The following FAM177A1 variants were observed in gnomAD, a reference collection of about 807,000 sequenced individuals.
FAM177A1 encodes family with sequence similarity 177 member A1.
FAM177A1 carries 22 observed loss-of-function variants against 26.1 expected under a neutral mutation model. The observed-to-expected ratio is 0.84, with a 90% confidence interval of 0.60 to 1.20. The LOEUF (loss-of-function observed/expected upper bound fraction) is 1.20. Ranked by LOEUF, FAM177A1 falls within the 50% of genes most tolerant of loss-of-function variation. FAM177A1 has a pLI of 0.00. For missense variants in FAM177A1, 296 were observed against 291.1 expected, an observed-to-expected ratio of 1.02 and a Z score of -0.12; for synonymous variants, 95 against 99.3, an observed-to-expected ratio of 0.96 and a Z score of 0.26.
chr14:35,068,048 T>A (rs2138554517), intron 2 of FAM177A1, among the ~76,000 whole-genome samples: 1 of 152,326 alleles, frequency 6.6e-6, no homozygotes, highest in Non-Finnish European at 1.5e-5. Context: ...ATTAGTCTGG[T>A]TTTGGTTTTG....
chr14:35,067,194 C>T (rs2045253442), intron 2 of FAM177A1, among the ~76,000 whole-genome samples: 1 of 152,134 alleles, frequency 6.6e-6, no homozygotes, highest in Non-Finnish European at 1.5e-5. Context: ...CCCCATTTCC[C>T]CTTAACCCCC....
At chr14:35,057,238 T>A (rs2045075764) in intron 2 of FAM177A1, among the ~76,000 whole-genome samples, 1 of 152,112 alleles carries the variant, frequency 6.6e-6, no homozygotes, top group Admixed American at 6.6e-5. Context: ...GTTGTTCTTG[T>A]TGTTTACAAA....
intron 1 of FAM177A1, among the ~76,000 whole-genome samples, chr14:35,051,944 G>A (rs1211365316): frequency 6.6e-6 from 1 of 152,178 alleles, no homozygotes; most frequent in Non-Finnish European, 1.5e-5. Context: ...CTTTTCCAGT[G>A]GTTGAACAGC....
chr14:35,079,769 C>T (rs1420412759), intron 4 of FAM177A1, among the ~76,000 whole-genome samples: 2 of 152,056 alleles, frequency 1.3e-5, no homozygotes, highest in Non-Finnish European at 2.9e-5. Context: ...ATCTGCTATT[C>T]TTCAAGCAAA....
intron 2 of FAM177A1, among the ~76,000 whole-genome samples, chr14:35,066,870 C>G (rs925566486): frequency 2.6e-5 from 4 of 151,678 alleles, no homozygotes; most frequent in African/African-American, 9.7e-5. Context: ...CTCAGCTCAC[C>G]GCAACCTCTG....
chr14:35,069,953 TA>T (rs1025002637), intron 2 of FAM177A1, among the ~76,000 whole-genome samples: 1 of 150,708 alleles, frequency 6.6e-6, no homozygotes, highest in African/African-American at 2.4e-5. Flanking sequence ...CCGTCTCTAC[TA>T]AAAATACAAA....
At chr14:35,070,371 C>G (rs1355870601) in intron 2 of FAM177A1, among the ~76,000 whole-genome samples, 2 of 150,876 alleles carry the variant, frequency 1.3e-5, no homozygotes, top group Non-Finnish European at 2.9e-5. Context: ...GCTCTGTCGT[C>G]CAGGCTGGAG....
intron 2 of FAM177A1, among the ~76,000 whole-genome samples, chr14:35,061,011 A>G (rs1307016531): frequency 1.3e-5 from 2 of 152,162 alleles, no homozygotes; most frequent in African/African-American, 4.8e-5. Context: ...TTCTATTATT[A>G]GCTATTGTTA....
At position 35,046,733 on chromosome 14, in the gene FAM177A1, C is replaced by G. The variant is rs546015694; in HGVS notation, c.165+105C>G. ...CGCGGCCGTCCTCCGAGCAGGCCGC[C>G]CCAGCTTTGGAGTTCCTCCTCACTG... is the stretch of plus-strand genomic sequence containing the variant. On this transcript the variant is annotated intron_variant, in intron 1 of 4. Coordinates refer to ENST00000280987, the MANE Select transcript of FAM177A1 (RefSeq NM_173607.5). The G allele has an allele frequency of 1.6e-5, 23 of 1,421,502 alleles. No individual in the cohort carries two copies. In the African/African-American group the frequency reaches 2.7e-4, roughly 16 times the overall value. The allele number at this position is 1,421,502 out of a possible 1,614,324, so 88.1% of individuals were successfully genotyped here. A position where few individuals can be genotyped will look rare whatever the true frequency, so the allele number is the denominator to read the frequency against.
At chr14:35,067,539 A>C (rs1394307522) in intron 2 of FAM177A1, among the ~76,000 whole-genome samples, 1 of 152,184 alleles carries the variant, frequency 6.6e-6, no homozygotes, top group African/African-American at 2.4e-5. Flanking sequence ...CTTTCAATAT[A>C]TATTCAGAAA....
chr14:35,060,749 T>TC (rs2045138847), intron 2 of FAM177A1, among the ~76,000 whole-genome samples: 1 of 152,132 alleles, frequency 6.6e-6, no homozygotes, highest in Non-Finnish European at 1.5e-5. Flanking sequence ...GTTACAGTAG[T>TC]CCCCCCTTTA....
chr14:35,081,255 T>C lies in FAM177A1; in HGVS notation c.*27T>C. On this transcript the variant is annotated 3_prime_UTR_variant, in exon 5 of 5. Transcript: ENST00000280987. Reference sequence around the variant, plus strand: ...ATGAAATGACTATCAAGCTTCAAACTCTTAAGTTTTTTTTTTTTAATACAA... The same window carrying C: ...ATGAAATGACTATCAAGCTTCAAACCCTTAAGTTTTTTTTTTTTAATACAA... 1 of 1,561,574 alleles carries C rather than the reference T, an allele frequency of 6.4e-7. No individual in the cohort carries two copies. The highest frequency in any genetic ancestry group is 8.6e-7 in the Non-Finnish European group (1 of 1,161,744).
At chr14:35,071,508 T>A (rs2045321069) in intron 2 of FAM177A1, among the ~76,000 whole-genome samples, 1 of 152,130 alleles carries the variant, frequency 6.6e-6, no homozygotes, top group African/African-American at 2.4e-5. Flanking sequence ...ATTACTGGGA[T>A]AGTCTAGGTG....
At chr14:35,052,308 G>A (rs1595037357) in intron 1 of FAM177A1, among the ~76,000 whole-genome samples, 1 of 151,368 alleles carries the variant, frequency 6.6e-6, no homozygotes, top group Non-Finnish European at 1.5e-5. Context: ...GCAGTGGCGC[G>A]CCTTCCAGGT....
At chr14:35,059,309 A>G (rs2138538664) in intron 2 of FAM177A1, among the ~76,000 whole-genome samples, 1 of 152,066 alleles carries the variant, frequency 6.6e-6, no homozygotes, top group Middle Eastern at 3.4e-3. Context: ...AATCTAAAGT[A>G]TCTCTTGTAG....
intron 2 of FAM177A1, among the ~76,000 whole-genome samples, chr14:35,075,135 C>CTA (rs2045375990): frequency 6.6e-6 from 1 of 152,178 alleles, no homozygotes; most frequent in Admixed American, 6.5e-5. Flanking sequence ...TGAAGCATGC[C>CTA]TTTATCACTG....
Position 35,046,333 on chromosome 14 carries a change from G to A in FAM177A1, c.-131G>A, listed in dbSNP as rs1379636241. 3.5e-6 allele frequency: 4 copies of A among 1,135,222 alleles called. No individual in the cohort carries two copies. Among genetic ancestry groups the A allele is most frequent in the Non-Finnish European group, 2.4e-6 (2 of 850,624 alleles). 70.3% of individuals were successfully genotyped at this position (1,135,222 alleles called of 1,614,324 possible). On this transcript the variant is annotated 5_prime_UTR_variant, in exon 1 of 5. Transcript: ENST00000280987. ...GGCGGGCTAGGCGAGGCGCGGGCTG[G>A]CCCCGCCCCTCAGGCCGGCGAGTCC...
intron 2 of FAM177A1, among the ~76,000 whole-genome samples, chr14:35,064,485 C>A (rs1301916007): frequency 6.6e-6 from 1 of 152,038 alleles, no homozygotes; most frequent in Non-Finnish European, 1.5e-5. Flanking sequence ...CAGCCTGAAG[C>A]TGAGAGAGGA....
At chr14:35,055,650 TG>T (rs1228385570) in intron 2 of FAM177A1, among the ~76,000 whole-genome samples, 1 of 152,116 alleles carries the variant, frequency 6.6e-6, no homozygotes, top group East Asian at 1.9e-4. Context: ...TTGGTTAAGC[TG>T]GTCTCGAGCT....
Sources: gnomAD v4.1 joint callset for allele counts (sites outside exome capture counted in the v4.1 genomes callset) on GRCh38, gnomAD v4.1.1 for gene constraint, MANE v1.5 for transcripts, NCBI Gene and HGNC (gene_info 2026-07-23, HGNC 2026-07-21) for gene names.